The following NOD1 variants were observed in gnomAD, a reference collection of about 807,000 sequenced individuals.
The protein encoded by NOD1 is nucleotide binding oligomerization domain containing 1, also known as nucleotide-binding oligomerization domain-containing protein 1.
Under a neutral mutation model 81.2 loss-of-function variants are expected in NOD1, and 70 were observed. That is an observed-to-expected ratio of 0.86 (90% CI 0.71 to 1.05). The LOEUF (loss-of-function observed/expected upper bound fraction) is 1.05, where lower values mean the gene tolerates loss of function less well. Ranked by LOEUF, NOD1 falls within the 50% of genes least tolerant of loss-of-function variation. The pLI, the probability that NOD1 is intolerant of heterozygous loss-of-function variation, is 0.00. For synonymous variants in NOD1, 508 were observed against 526.9 expected (o/e 0.96, Z 0.49); for missense variants, 1,233 against 1,228.0 (o/e 1.00, Z -0.06).
At position 30,456,790 on chromosome 7, in the gene NOD1, C is replaced by G; in HGVS notation, c.132G>C (p.Leu44Phe). 6.2e-7 allele frequency: 1 copy of G among 1,614,228 alleles called. No homozygotes were observed. The highest frequency in any genetic ancestry group is 8.5e-7 in the Non-Finnish European group (1 of 1,180,040). ...IRNTQCLVDN[L>F]LKNDYFSAED... ...CGGCCGAGAAGTAGTCATTCTTCAGCAAGTTGTCCACCAGACACTGAGTAT... is the reference window on the plus strand; with the variant it reads ...CGGCCGAGAAGTAGTCATTCTTCAGGAAGTTGTCCACCAGACACTGAGTAT... Residue 44 changes from leucine (L) to phenylalanine (F), a missense_variant, in exon 4 of 14, where the codon TTG becomes TTC. By Grantham distance (22) the Leu-to-Phe change is conservative. Transcript: ENST00000222823.
At chr7:30,476,194 T>C (rs534954716) in intron 1 of NOD1, among the ~76,000 whole-genome samples, 1 of 152,350 alleles carries the variant, frequency 6.6e-6, no homozygotes, top group African/African-American at 2.4e-5. Context: ...GAACAAATAT[T>C]GAATCCTTTT....
intron 13 of NOD1, among the ~76,000 whole-genome samples, chr7:30,428,195 T>G (rs1289036879): frequency 2.0e-5 from 3 of 152,158 alleles, no homozygotes; most frequent in Non-Finnish European, 4.4e-5. Flanking sequence ...ATCAGCTTCC[T>G]GAGTAGCTGG....
intron 9 of NOD1, among the ~76,000 whole-genome samples, chr7:30,439,153 C>T (rs889566272): frequency 3.3e-5 from 5 of 152,068 alleles, no homozygotes; most frequent in Non-Finnish European, 5.9e-5. Context: ...GTGCTGCTGC[C>T]GTGGAAAACA....
At chr7:30,455,393 C>G (rs1786246728) in intron 4 of NOD1, 82 bp from the exon 5 acceptor site, 1 of 1,183,026 alleles carries the variant, frequency 8.5e-7, no homozygotes, top group African/African-American at 1.5e-5. Context: ...AGGCTCAGGG[C>G]AGGGCTCTGA....
Position 30,467,946 on chromosome 7 carries a change from C to T in NOD1, c.-351-7905G>A, listed in dbSNP as rs1221503854. On this transcript the variant is annotated intron_variant, in intron 1 of 13. Coordinates refer to ENST00000222823, the MANE Select transcript of NOD1 (RefSeq NM_006092.4). The surrounding 1 kb of genome is among the most constrained non-coding windows in gnomAD (Gnocchi z 4.5). ...TGAACTCCTGACCTCAGGTGATCCA[C>T]CTGCCTCGACCTCCCAAAGTGCTAG... Among the ~76,000 whole-genome samples, 2 of 152,172 alleles carry T rather than the reference C, an allele frequency of 1.3e-5. No individual in the cohort carries two copies. Among genetic ancestry groups the T allele is most frequent in the African/African-American group, 4.8e-5 (2 of 41,436 alleles).
chr7:30,446,228 CAGAG>C lies in NOD1; in HGVS notation c.2370-8_2370-5del, dbSNP rs746012407. On this transcript the variant is annotated splice_polypyrimidine_tract_variant and splice_region_variant and intron_variant, in intron 8 of 13. Coordinates refer to ENST00000222823, the MANE Select transcript of NOD1 (RefSeq NM_006092.4). ...TGTTATTTTGTTTTTTCCCAGTCTG[CAGAG>C]AGAGTCACACACAGTCAGCCTCCAG... 4 of 1,611,694 alleles carry C rather than the reference CAGAG, an allele frequency of 2.5e-6. No homozygotes were observed. The highest frequency in any genetic ancestry group is 2.5e-6 in the Non-Finnish European group (3 of 1,177,802).
At chr7:30,460,468 G>A (rs1280100601) in intron 1 of NOD1, 7 of 985,314 alleles carry the variant, frequency 7.1e-6, no homozygotes, top group African/African-American at 7.0e-5. Context: ...CTCCTGGGTG[G>A]AGCTTTCCCA....
chr7:30,464,239 T>C (rs1273111876), intron 1 of NOD1, among the ~76,000 whole-genome samples: 1 of 152,222 alleles, frequency 6.6e-6, no homozygotes, highest in African/African-American at 2.4e-5. Context: ...CTGCCTGAAC[T>C]GCTAAAGCAA....
At chr7:30,472,567 C>T (rs1471121523) in intron 1 of NOD1, among the ~76,000 whole-genome samples, 1 of 152,202 alleles carries the variant, frequency 6.6e-6, no homozygotes, top group African/African-American at 2.4e-5. Flanking sequence ...TGTTTATGTC[C>T]CTCCAAAGTT....
chr7:30,437,558 C>T lies in NOD1; in HGVS notation c.2537+15G>A, dbSNP rs754006469. The T allele has an allele frequency of 4.7e-6, 7 of 1,486,236 alleles. No homozygotes were observed. Among genetic ancestry groups the T allele is most frequent in the African/African-American group, 1.5e-5 (1 of 67,512 alleles). The allele number at this position is 1,486,236 out of a possible 1,614,324, so 92.1% of individuals were successfully genotyped here. ...GGACCAGGTTGGCCCCTGGAGACAG[C>T]AGGGCCACAGTTACCTCAGGGTGGT... On this transcript the variant is annotated intron_variant, in intron 10 of 13. Transcript: ENST00000222823.
chr7:30,446,603 C>T (rs778500599), intron 8 of NOD1: 29 of 385,218 alleles, frequency 7.5e-5, no homozygotes, highest in Non-Finnish European at 1.0e-4. Flanking sequence ...CCAAGCCTGG[C>T]GCACTGTCAC....
rs543753171 is a variant in NOD1, at chr7:30,452,777, G to T, written c.640C>A (p.Arg214=). 6.2e-7 allele frequency: 1 copy of T among 1,614,094 alleles called. No individual in the cohort carries two copies. Among genetic ancestry groups the T allele is most frequent in the East Asian group, 2.2e-5 (1 of 44,890 alleles). Residue 214 remains arginine, a synonymous_variant, in exon 6 of 14, where the codon CGG becomes AGG. Coordinates refer to ENST00000222823, the MANE Select transcript of NOD1 (RefSeq NM_006092.4). The part of the protein sequence containing the change: ...AGVGKSMLLQ[R]LQSLWATGRL... ...CCCGTGGCCCAGAGGCTCTGCAGCC[G>T]CTGTAGCAGCATGGACTTGCCCACC...
At chr7:30,441,111 A>G (rs914124159) in intron 9 of NOD1, among the ~76,000 whole-genome samples, 5 of 49,462 alleles carry the variant, frequency 1.0e-4, no homozygotes, top group Non-Finnish European at 1.6e-4. Context: ...AGGAAGCGGT[A>G]AACATGGAAA....
rs777433724 is a variant in NOD1, at chr7:30,452,780, G to C, written c.637C>G (p.Gln213Glu). The C allele has an allele frequency of 1.4e-5, 23 of 1,614,032 alleles. No individual in the cohort carries two copies. In the East Asian group the frequency reaches 4.9e-4, roughly 34 times the overall value. Residue 213 changes from glutamine to glutamate, a missense_variant, in exon 6 of 14, where the codon CAG becomes GAG. Transcript: ENST00000222823. ...GTGGCCCAGAGGCTCTGCAGCCGCTGTAGCAGCATGGACTTGCCCACCCCA... is the reference window on the plus strand; with the variant it reads ...GTGGCCCAGAGGCTCTGCAGCCGCTCTAGCAGCATGGACTTGCCCACCCCA... Reference protein sequence around the residue: ...DAGVGKSMLLQRLQSLWATGR... With the variant: ...DAGVGKSMLLERLQSLWATGR...
chr7:30,437,608 C>T lies in NOD1; in HGVS notation c.2502G>A (p.Glu834=). 1 of 1,511,126 alleles carries T rather than the reference C, an allele frequency of 6.6e-7. No individual in the cohort carries two copies. The highest frequency in any genetic ancestry group is 2.7e-5 in the East Asian group (1 of 37,058). 93.6% of individuals were successfully genotyped at this position (1,511,126 alleles called of 1,614,324 possible). Residue 834 remains glutamate (E), a synonymous_variant, in exon 10 of 14, where the codon GAG becomes GAA. Coordinates refer to ENST00000222823, the MANE Select transcript of NOD1 (RefSeq NM_006092.4). ...TCAAGCTGGGGTGGTTCCGCAGAGC[C>T]TCTGCGAAGGCTTTTGCTCCTTCAT... The part of the protein sequence containing the change: ...VGDEGAKAFA[E]ALRNHPSLTT...
intron 12 of NOD1, among the ~76,000 whole-genome samples, chr7:30,432,433 T>C (rs1039484295): frequency 1.3e-5 from 2 of 152,206 alleles, no homozygotes; most frequent in East Asian, 1.9e-4. Context: ...TTTTAAAAGA[T>C]GGACAATAAT....
rs553914961 is a variant in NOD1, at chr7:30,447,293, T to C, written c.2286-243A>G. On this transcript the variant is annotated intron_variant, in intron 7 of 13. Transcript: ENST00000222823. ...CTCTCTGTGCCTCAGTTTCTCCATC[T>C]GTAATACAGAGGTAATGATGATAGT... 1.4e-5 allele frequency: 8 copies of C among 553,360 alleles called. No homozygotes were observed. In the African/African-American group the frequency reaches 1.5e-4, roughly 11 times the overall value. 34.3% of individuals were successfully genotyped at this position (553,360 alleles called of 1,614,324 possible).
chr7:30,458,939 G>A (rs56237929), intron 3 of NOD1, among the ~76,000 whole-genome samples: 196 of 152,094 alleles, frequency 1.3e-3, no homozygotes, highest in Non-Finnish European at 2.2e-3. Flanking sequence ...GTTTCACCAC[G>A]TTGGCCAAGC....
rs758143952 is a variant in NOD1, at chr7:30,451,993, A to AG, written c.1423dup (p.Leu475ProfsTer35). The AG allele has an allele frequency of 1.2e-5, 20 of 1,613,404 alleles. No homozygotes were observed. The highest frequency in any genetic ancestry group is 2.5e-6 in the Non-Finnish European group (3 of 1,179,998). On this transcript the variant is annotated frameshift_variant, in exon 6 of 14. Transcript: ENST00000222823. LOFTEE classifies it high-confidence loss of function. The surrounding 1 kb of genome is among the most constrained non-coding windows in gnomAD (Gnocchi z 4.2). ...CACCTCCTCCTGGGTGAAGACAAAG[A>AG]GGCTCTTCTCCATGCCCCGGTGGGC...
Sources: allele counts gnomAD v4.1 joint callset (sites outside exome capture counted in the v4.1 genomes callset), GRCh38; gene constraint gnomAD v4.1.1; non-coding constraint Gnocchi (gnomAD v3.1); transcripts MANE v1.5; gene names NCBI Gene and HGNC (gene_info 2026-07-23, HGNC 2026-07-21).